The following ATP11A variants were observed in gnomAD, a reference collection of about 807,000 sequenced individuals.
ATP11A encodes ATPase phospholipid transporting 11A, also known as phospholipid-transporting ATPase IH.
In ATP11A, 81 loss-of-function variants were observed where a neutral mutation model predicts 154.4. The observed-to-expected ratio is 0.52, with a 90% CI of 0.44 to 0.63. The LOEUF (loss-of-function observed/expected upper bound fraction) is 0.63, where lower values mean the gene tolerates loss of function less well. Among genes scored for constraint, ATP11A ranks in the 30% least tolerant of loss-of-function variants. ATP11A has a pLI of 0.00. For synonymous variants in ATP11A, 623 were observed against 585.9 expected (o/e 1.06, Z -0.91); for missense variants, 1,316 against 1,474.3 (o/e 0.89, Z 1.76).
At chr13:112,756,435 C>T (rs1483219478) in intron 1 of ATP11A, among the ~76,000 whole-genome samples, 1 of 152,214 alleles carries the variant, frequency 6.6e-6, no homozygotes, top group African/African-American at 2.4e-5. Flanking sequence ...CCAGGAGAGG[C>T]ACCTGTATCT....
chr13:112,802,500 A>G (rs570256384), intron 2 of ATP11A, among the ~76,000 whole-genome samples: 4 of 151,406 alleles, frequency 2.6e-5, no homozygotes, highest in East Asian at 3.9e-4. Flanking sequence ...TTCAGGGCAG[A>G]CAGAAAAGCA....
At chr13:112,770,485 TC>T (rs2077199480) in intron 1 of ATP11A, among the ~76,000 whole-genome samples, 1 of 152,166 alleles carries the variant, frequency 6.6e-6, no homozygotes, top group Non-Finnish European at 1.5e-5. Flanking sequence ...GAGCTTCTGA[TC>T]CTGTCCCAGC....
chr13:112,823,037 G>A lies in ATP11A; in HGVS notation c.726-308G>A, dbSNP rs181294333. Among the ~76,000 whole-genome samples, 583 of 152,326 alleles carry A rather than the reference G, an allele frequency of 3.8e-3. 4 individuals carry two copies. The highest frequency in any genetic ancestry group is 0.013 in the African/African-American group (557 of 41,582). ...CCCTGCTCTAGAGGTCTCTCGGGGA[G>A]TGTTGCTGAGGCTGCCGGGCGCAGC... On this transcript the variant is annotated intron_variant, in intron 8 of 29. Coordinates refer to ENST00000375645, the MANE Select transcript of ATP11A (RefSeq NM_015205.3).
At chr13:112,742,040 G>T (rs943494861) in intron 1 of ATP11A, among the ~76,000 whole-genome samples, 1 of 151,712 alleles carries the variant, frequency 6.6e-6, no homozygotes, top group East Asian at 1.9e-4. Context: ...TCCCCCACAG[G>T]GGAGTGCTCC....
At chr13:112,727,086 C>T (rs560154650) in intron 1 of ATP11A, among the ~76,000 whole-genome samples, 148 of 152,264 alleles carry the variant, frequency 9.7e-4, no homozygotes, top group South Asian at 1.4e-3. Flanking sequence ...GTTGCTCTGT[C>T]GCCCAGGCTG....
rs1271784082 is a variant in ATP11A at position 112,785,573 on chromosome 13, G to T, written c.162+316G>T. Among the ~76,000 whole-genome samples the T allele has an allele frequency of 6.6e-6, 1 of 152,074 alleles. No homozygotes were observed. The highest frequency in any genetic ancestry group is 1.9e-4 in the East Asian group (1 of 5,164). On this transcript the variant is annotated intron_variant, in intron 2 of 29. Transcript: ENST00000375645. This position sits in a 1 kb window ranked among gnomAD's most constrained non-coding sequence, Gnocchi z 4.8. Reference sequence around the variant, plus strand: ...CCTACCCAGGTCCCACTTCTGAGGCGCCTGGCCACGTGCTTGTCGTGGGCC... The same window carrying T: ...CCTACCCAGGTCCCACTTCTGAGGCTCCTGGCCACGTGCTTGTCGTGGGCC...
intron 1 of ATP11A, among the ~76,000 whole-genome samples, chr13:112,726,148 C>T (rs1014757751): frequency 1.3e-5 from 2 of 152,182 alleles, no homozygotes; most frequent in Admixed American, 6.5e-5. Context: ...TGGGGCACGG[C>T]GTGCGTGCAG....
At chr13:112,782,105 C>T (rs1594670418) in intron 1 of ATP11A, among the ~76,000 whole-genome samples, 1 of 152,384 alleles carries the variant, frequency 6.6e-6, no homozygotes, top group Middle Eastern at 3.4e-3. Flanking sequence ...CGCCGCTACA[C>T]TGTTGGGCTG....
At position 112,838,840 on chromosome 13, in the gene ATP11A, G is replaced by A. The variant is rs2079312108; in HGVS notation, c.1705+2589G>A. Among the ~76,000 whole-genome samples the A allele has an allele frequency of 6.6e-6, 1 of 152,208 alleles. No homozygotes were observed. The highest frequency in any genetic ancestry group is 6.5e-5 in the Admixed American group (1 of 15,290). On this transcript the variant is annotated intron_variant, in intron 16 of 29. Transcript: ENST00000375645. The surrounding 1 kb of genome is among the most constrained non-coding windows in gnomAD (Gnocchi z 7.3). ...AAGAGAAGTTTGAATATGTAATTAA[G>A]CAAGGTGTTCTGTAAGTAGTAGTCA...
chr13:112,803,481 AC>A (rs1301000992), intron 2 of ATP11A, among the ~76,000 whole-genome samples: 1 of 152,204 alleles, frequency 6.6e-6, no homozygotes, highest in Non-Finnish European at 1.5e-5. Flanking sequence ...AGGCTGTGAG[AC>A]CTTCTTCAGG....
intron 26 of ATP11A, among the ~76,000 whole-genome samples, chr13:112,873,249 G>T (rs113107184): frequency 0.042 from 2,896 of 68,404 alleles, no homozygotes; most frequent in Middle Eastern, 0.078. Context: ...CTCCTTAATG[G>T]TGTGAGGTGT....
intron 1 of ATP11A, among the ~76,000 whole-genome samples, chr13:112,764,946 A>G (rs906174974): frequency 3.9e-5 from 6 of 152,100 alleles, no homozygotes; most frequent in African/African-American, 1.4e-4. Flanking sequence ...CACTTGCCTC[A>G]CTCGGATCCC....
intron 2 of ATP11A, among the ~76,000 whole-genome samples, chr13:112,787,085 G>A (rs1362899784): frequency 7.2e-6 from 1 of 138,406 alleles, no homozygotes; most frequent in African/African-American, 3.0e-5. Context: ...GTAGACCCCT[G>A]TGGAGACCTA....
At chr13:112,765,344 GC>G (rs914886912) in intron 1 of ATP11A, among the ~76,000 whole-genome samples, 25 of 152,150 alleles carry the variant, frequency 1.6e-4, no homozygotes, top group African/African-American at 5.3e-4. Context: ...CCCCAGGCCC[GC>G]CCTGCCTTGT....
At chr13:112,709,362 A>G (rs1262532376) in intron 1 of ATP11A, among the ~76,000 whole-genome samples, 2 of 152,230 alleles carry the variant, frequency 1.3e-5, no homozygotes, top group Admixed American at 6.5e-5. Context: ...TTGCCCTGCA[A>G]GGTCACTTGT....
chr13:112,855,899 G>T lies in ATP11A; in HGVS notation c.2244-12G>T, dbSNP rs371403785. The T allele has an allele frequency of 4.4e-6, 7 of 1,595,526 alleles. No homozygotes were observed. Among genetic ancestry groups the T allele is most frequent in the Non-Finnish European group, 6.0e-6 (7 of 1,168,146 alleles). ...TGATTGAGCAATCTTTCTGACTCAC[G>T]TACTCTAACAGACTTTCAGCAGATA... On this transcript the variant is annotated splice_polypyrimidine_tract_variant and intron_variant, in intron 19 of 29. Coordinates refer to ENST00000375645, the MANE Select transcript of ATP11A (RefSeq NM_015205.3).
chr13:112,839,044 G>T lies in ATP11A; in HGVS notation c.1705+2793G>T, dbSNP rs112228520. On this transcript the variant is annotated intron_variant, in intron 16 of 29. Coordinates refer to ENST00000375645, the MANE Select transcript of ATP11A (RefSeq NM_015205.3). ...CCAACAGGGGCCTCCCATGATGTCC[G>T]CAGGACCCTTTTTTATATGTCTGTA... 8.9e-3 allele frequency among the ~76,000 whole-genome samples: 1,353 copies of T among 152,212 alleles called. 24 individuals are homozygous for T. The highest frequency in any genetic ancestry group is 0.03 in the African/African-American group (1,252 of 41,544).
Position 112,833,963 on chromosome 13 carries a change from G to C in ATP11A, c.1560-626G>C, listed in dbSNP as rs118066523. 2.0e-5 allele frequency among the ~76,000 whole-genome samples: 3 copies of C among 152,184 alleles called. No homozygotes were observed. In the East Asian group the frequency reaches 5.8e-4, roughly 29 times the overall value. On this transcript the variant is annotated intron_variant, in intron 14 of 29. Transcript: ENST00000375645. ...AGAGGCCTCCACTGCCATCCCCCTG[G>C]TGCCGCGAAGCACGTCTGTCTCCCG...
chr13:112,865,999 C>T (rs756479774), intron 25 of ATP11A, among the ~76,000 whole-genome samples: 1 of 152,234 alleles, frequency 6.6e-6, no homozygotes, highest in Non-Finnish European at 1.5e-5. Context: ...CCCCGAGTAC[C>T]ATACTTAGTC....
Sources: allele counts gnomAD v4.1 joint callset (sites outside exome capture counted in the v4.1 genomes callset), GRCh38; gene constraint gnomAD v4.1.1; non-coding constraint Gnocchi (gnomAD v3.1); transcripts MANE v1.5; gene names NCBI Gene and HGNC (gene_info 2026-07-23, HGNC 2026-07-21).